The following TENM2 variants were observed in gnomAD, a reference collection of about 807,000 sequenced individuals.
The protein encoded by TENM2 is teneurin transmembrane protein 2.
TENM2 carries 52 observed loss-of-function variants against 245.2 expected under a neutral mutation model. The ratio of observed to expected loss-of-function variants is 0.21; its 90% confidence interval spans 0.17 to 0.27. TENM2 has a LOEUF of 0.27. TENM2 is among the 10% of genes least tolerant of loss of function. The pLI, the probability that TENM2 is intolerant of heterozygous loss-of-function variation, is 1.00. For missense variants in TENM2, 3,046 were observed against 3,666.8 expected (o/e 0.83, Z 4.37); for synonymous variants, 1,363 against 1,438.9 (o/e 0.95, Z 1.19).
At position 167,848,682 on chromosome 5, in the gene TENM2, T is replaced by A. The variant is rs185941295; in HGVS notation, c.503-27304T>A. On this transcript the variant is annotated intron_variant, in intron 2 of 28. Coordinates refer to ENST00000518659, the Ensembl canonical transcript of TENM2. The stretch of plus-strand genomic sequence containing the variant: ...TAAGCACTTTTTCTCCTTGGGTAGT[T>A]GTTGAGACATTGGTTCACTCTCTGG... Among the ~76,000 whole-genome samples the A allele has an allele frequency of 1.9e-3, 296 of 152,354 alleles. 1 individual carries two copies. Among genetic ancestry groups the A allele is most frequent in the Non-Finnish European group, 3.7e-3 (253 of 68,038 alleles).
intron 2 of TENM2, among the ~76,000 whole-genome samples, chr5:167,828,810 T>C (rs1489613372): frequency 1.3e-5 from 2 of 152,212 alleles, no homozygotes; most frequent in African/African-American, 4.8e-5. Context: ...TGGGCCCTTT[T>C]ACATAGAAGG....
the TENM2 span, among the ~76,000 whole-genome samples, chr5:167,241,044 G>C: frequency 6.6e-6 from 1 of 151,738 alleles, no homozygotes; most frequent in African/African-American, 2.4e-5. Flanking sequence ...TTTCCCTTTA[G>C]AGTAAATCCA....
At chr5:168,121,592 C>T (rs1411491954) in intron 10 of TENM2, among the ~76,000 whole-genome samples, 1 of 152,120 alleles carries the variant, frequency 6.6e-6, no homozygotes, top group Non-Finnish European at 1.5e-5. Flanking sequence ...GTGGATTTTC[C>T]TCCTTCCTTT....
At chr5:167,609,497 AAAAAAAAAAAAAAAAC>A (rs1223587797) in intron 2 of TENM2, among the ~76,000 whole-genome samples, 10 of 141,224 alleles carry the variant, frequency 7.1e-5, no homozygotes, top group Non-Finnish European at 6.2e-5. Context: ...GCAAAAAAAA[AAAAAAAAAAAAAAAAC>A]AAAACCTTAC....
chr5:168,082,499 G>T (rs1792093690), intron 7 of TENM2, among the ~76,000 whole-genome samples: 1 of 152,194 alleles, frequency 6.6e-6, no homozygotes, highest in Non-Finnish European at 1.5e-5. Context: ...CGTTCCTTTG[G>T]AGAAGAAGTG....
intron 1 of TENM2, among the ~76,000 whole-genome samples, chr5:167,314,882 CATTTTTATACAAAAATAG>C (rs1756263730): frequency 6.6e-6 from 1 of 151,920 alleles, no homozygotes; most frequent in Non-Finnish European, 1.5e-5. Context: ...TATCTGGATA[CATTTTTATACAAAAATAG>C]ATTTTTATAC....
At chr5:167,249,612 C>T in the TENM2 span, among the ~76,000 whole-genome samples, 1 of 152,062 alleles carries the variant, frequency 6.6e-6, no homozygotes, top group Non-Finnish European at 1.5e-5. Flanking sequence ...GTCTCTTTAC[C>T]TACATCAATC....
At chr5:168,212,821 G>T (rs1445593163) in intron 20 of TENM2, among the ~76,000 whole-genome samples, 1 of 152,186 alleles carries the variant, frequency 6.6e-6, no homozygotes, top group Non-Finnish European at 1.5e-5. Context: ...AGGCATGGCT[G>T]TCCCTCTGAC....
At chr5:167,788,063 T>C (rs1561782152) in intron 2 of TENM2, among the ~76,000 whole-genome samples, 1 of 152,346 alleles carries the variant, frequency 6.6e-6, no homozygotes, top group East Asian at 1.9e-4. Context: ...CCAAGGAATT[T>C]TCTGTTTTCC....
At chr5:167,144,194 G>T in the TENM2 span, among the ~76,000 whole-genome samples, 4 of 152,098 alleles carry the variant, frequency 2.6e-5, no homozygotes, top group African/African-American at 9.7e-5. Context: ...GAGTACGCTG[G>T]TGGTGGGAGC....
At chr5:167,740,412 TC>T (rs1761099995) in intron 2 of TENM2, among the ~76,000 whole-genome samples, 1 of 152,168 alleles carries the variant, frequency 6.6e-6, no homozygotes, top group African/African-American at 2.4e-5. Flanking sequence ...AGAATGCTTC[TC>T]TTGTGTGTTT....
At chr5:167,101,407 A>G in the TENM2 span, among the ~76,000 whole-genome samples, 1 of 152,178 alleles carries the variant, frequency 6.6e-6, no homozygotes, top group African/African-American at 2.4e-5. Flanking sequence ...TGAAGAAATT[A>G]TGGATGGTGC....
intron 12 of TENM2, among the ~76,000 whole-genome samples, chr5:168,159,093 G>A (rs1487065630): frequency 1.3e-5 from 2 of 151,196 alleles, no homozygotes; most frequent in African/African-American, 2.4e-5. Flanking sequence ...GCAGTGAGCC[G>A]ACATTGCGCC....
At chr5:168,134,875 C>T (rs935605643) in intron 12 of TENM2, among the ~76,000 whole-genome samples, 5 of 152,168 alleles carry the variant, frequency 3.3e-5, no homozygotes, top group Non-Finnish European at 5.9e-5. Context: ...CTCTCTTACC[C>T]GGAATGGAAC....
chr5:168,147,888 A>T (rs572350262), intron 12 of TENM2, among the ~76,000 whole-genome samples: 1 of 152,330 alleles, frequency 6.6e-6, no homozygotes, highest in African/African-American at 2.4e-5. Context: ...CAGAACCGGA[A>T]TAGAACTCAG....
At chr5:167,701,773 C>A (rs929395609) in intron 2 of TENM2, among the ~76,000 whole-genome samples, 1 of 152,132 alleles carries the variant, frequency 6.6e-6, no homozygotes. Context: ...CTCTGGTCTG[C>A]ATTGGGAAAG....
intron 1 of TENM2, among the ~76,000 whole-genome samples, chr5:167,365,955 A>C (rs1333544156): frequency 1.3e-5 from 2 of 152,074 alleles, no homozygotes; most frequent in African/African-American, 4.8e-5. Context: ...AAAGACATAA[A>C]GGATCAAATT....
At chr5:168,018,289 G>A (rs1048432598) in intron 5 of TENM2, among the ~76,000 whole-genome samples, 4 of 150,558 alleles carry the variant, frequency 2.7e-5, no homozygotes, top group Admixed American at 6.6e-5. Context: ...TTTTCATTTT[G>A]TGAATGGAGA....
intron 1 of TENM2, among the ~76,000 whole-genome samples, chr5:167,353,944 G>A (rs548464017): frequency 1.3e-5 from 2 of 152,276 alleles, no homozygotes; most frequent in East Asian, 1.9e-4. Context: ...AGTATCCCAT[G>A]CATATTGTAA....
Sources: gnomAD v4.1 joint callset for allele counts (sites outside exome capture counted in the v4.1 genomes callset) on GRCh38, gnomAD v4.1.1 for gene constraint, MANE v1.5 for transcripts, NCBI Gene and HGNC (gene_info 2026-07-23, HGNC 2026-07-21) for gene names.